Variants in GRIN3A observed in about 807,000 individuals in gnomAD.
GRIN3A encodes glutamate ionotropic receptor NMDA type subunit 3A.
GRIN3A carries 47 observed loss-of-function variants against 92.4 expected under a neutral mutation model. That is an observed-to-expected ratio of 0.51 (90% CI 0.40 to 0.65). The LOEUF (loss-of-function observed/expected upper bound fraction) is 0.65, where lower values mean the gene tolerates loss of function less well. GRIN3A is among the 30% of genes least tolerant of loss of function. The pLI is 0.00. For synonymous variants in GRIN3A, 527 were observed against 540.6 expected (o/e 0.97, Z 0.35); for missense variants, 1,324 against 1,393.1 (o/e 0.95, Z 0.79).
intron 1 of GRIN3A, among the ~76,000 whole-genome samples, chr9:101,719,531 G>A (rs1829986597): frequency 6.6e-6 from 1 of 152,006 alleles, no homozygotes; most frequent in Admixed American, 6.6e-5. Flanking sequence ...GGCAGAGATG[G>A]TATGGCCATG....
Position 101,623,487 on chromosome 9 carries a change from G to C in GRIN3A, c.2499-54C>G, listed in dbSNP as rs1053869712. The C allele has an allele frequency of 5.6e-6, 7 of 1,254,094 alleles. No individual in the cohort carries two copies. The Admixed American group carries it at 1.2e-4, about 21-fold the overall frequency. The allele number at this position is 1,254,094 out of a possible 1,614,324, so 77.7% of individuals were successfully genotyped here. ...AAAATGATTCATTAATGGGAAGGAA[G>C]CATGAAGGCTGACAGCCGGCTTTTG... On this transcript the variant is annotated intron_variant, in intron 4 of 8. Coordinates refer to ENST00000361820, the MANE Select transcript of GRIN3A (RefSeq NM_133445.3).
At chr9:101,673,547 T>C (rs1402267601) in intron 2 of GRIN3A, among the ~76,000 whole-genome samples, 1 of 152,134 alleles carries the variant, frequency 6.6e-6, no homozygotes, top group Non-Finnish European at 1.5e-5. Flanking sequence ...CAAAATAATC[T>C]CATGAAAGCT....
At chr9:101,605,585 G>A (rs892114278) in intron 6 of GRIN3A, among the ~76,000 whole-genome samples, 5 of 152,298 alleles carry the variant, frequency 3.3e-5, no homozygotes, top group African/African-American at 1.2e-4. Flanking sequence ...TGAAGGTAAA[G>A]GCTGGGGGAG....
intron 6 of GRIN3A, among the ~76,000 whole-genome samples, chr9:101,611,632 G>C (rs1828369509): frequency 6.6e-6 from 1 of 152,146 alleles, no homozygotes; most frequent in Non-Finnish European, 1.5e-5. Context: ...CACTTACTGA[G>C]TGCTGCTATA....
chr9:101,711,813 A>G (rs546020952), intron 1 of GRIN3A, among the ~76,000 whole-genome samples: 1 of 152,298 alleles, frequency 6.6e-6, no homozygotes, highest in South Asian at 2.1e-4. Context: ...AGCTAAGATA[A>G]TTAAGGCTCC....
At chr9:101,727,921 G>A (rs533222964) in intron 1 of GRIN3A, among the ~76,000 whole-genome samples, 16 of 150,914 alleles carry the variant, frequency 1.1e-4, no homozygotes, top group African/African-American at 3.9e-4. Context: ...TCACATTGAA[G>A]CATTTCTTTA....
chr9:101,712,693 A>G (rs1829894233), intron 1 of GRIN3A, among the ~76,000 whole-genome samples: 1 of 152,192 alleles, frequency 6.6e-6, no homozygotes, highest in African/African-American at 2.4e-5. Context: ...ACATCTACTA[A>G]TAATCAGCTT....
chr9:101,716,486 C>T (rs992804316), intron 1 of GRIN3A, among the ~76,000 whole-genome samples: 1 of 152,102 alleles, frequency 6.6e-6, no homozygotes, highest in Non-Finnish European at 1.5e-5. Flanking sequence ...GTTTTCTAAA[C>T]TTCATTTATG....
chr9:101,684,021 TTTTC>T (rs1020184347), intron 2 of GRIN3A, among the ~76,000 whole-genome samples: 1 of 152,128 alleles, frequency 6.6e-6, no homozygotes, highest in Non-Finnish European at 1.5e-5. Flanking sequence ...AGAAAGTTAC[TTTTC>T]TTTCTTTCTA....
At chr9:101,641,792 T>TAAAAA (rs10631033) in intron 3 of GRIN3A, among the ~76,000 whole-genome samples, 1 of 141,888 alleles carries the variant, frequency 7.0e-6, no homozygotes, top group Non-Finnish European at 1.6e-5. Flanking sequence ...ACAATAAAAT[T>TAAAAA]AAAAAAAAAA....
At position 101,686,600 on chromosome 9, in the gene GRIN3A, A is replaced by G. The variant is rs776062103; in HGVS notation, c.1300T>C (p.Ser434Pro). 9 of 1,614,156 alleles carry G rather than the reference A, an allele frequency of 5.6e-6. No individual in the cohort carries two copies. Among genetic ancestry groups the G allele is most frequent in the Non-Finnish European group, 7.6e-6 (9 of 1,180,016 alleles). Residue 434 changes from serine to proline, a missense_variant, in exon 2 of 9, where the codon TCA (serine) becomes CCA (proline). Ser to Pro is a moderately conservative substitution (Grantham distance 74, BLOSUM62 -1). Transcript: ENST00000361820. Reference sequence around the variant, plus strand: ...AACCGAGACCTTGCATCCTACCTTGATAAATATTGTCCTGAAGTGAGATTT... The same window carrying G: ...AACCGAGACCTTGCATCCTACCTTGGTAAATATTGTCCTGAAGTGAGATTT... ...TTNLTSGQYL[S>P]RFLANTTFRG...
chr9:101,701,679 G>A (rs2485526), intron 1 of GRIN3A, among the ~76,000 whole-genome samples: 140,697 of 152,308 alleles, frequency 0.92, 65,306 homozygotes, highest in Middle Eastern at 0.97. Context: ...CAGTTGCAAC[G>A]AAAGCAAAAA....
chr9:101,604,290 A>C (rs534636065), intron 6 of GRIN3A, among the ~76,000 whole-genome samples: 1 of 152,330 alleles, frequency 6.6e-6, no homozygotes, highest in South Asian at 2.1e-4. Flanking sequence ...GAAAGAACGA[A>C]TGAATTTGGA....
In GRIN3A at chr9:101,726,192, T is replaced by G. The variant is rs989695874; in HGVS notation, c.699+11089A>C. On this transcript the variant is annotated intron_variant, in intron 1 of 8. Coordinates refer to ENST00000361820, the MANE Select transcript of GRIN3A (RefSeq NM_133445.3). ...CAATGTGGGTTAAACCAATCAGATA[T>G]CTGGATAATTTGAACTAAGAGATAT... Among the ~76,000 whole-genome samples the G allele has an allele frequency of 2.6e-5, 4 of 152,204 alleles. No individual in the cohort carries two copies. In the South Asian group the frequency reaches 8.3e-4, roughly 31 times the overall value.
At chr9:101,703,166 A>G (rs1283587483) in intron 1 of GRIN3A, among the ~76,000 whole-genome samples, 1 of 152,204 alleles carries the variant, frequency 6.6e-6, no homozygotes, top group East Asian at 1.9e-4. Flanking sequence ...AAACACTTCA[A>G]TAGCTTCCTC....
At chr9:101,736,451 A>T (rs545426742) in intron 1 of GRIN3A, among the ~76,000 whole-genome samples, 1 of 133,024 alleles carries the variant, frequency 7.5e-6, no homozygotes, top group South Asian at 2.2e-4. Flanking sequence ...CATTGAAAAT[A>T]TGTTTAGCTT....
chr9:101,721,413 AAACT>A (rs1830011583), intron 1 of GRIN3A, among the ~76,000 whole-genome samples: 2 of 152,276 alleles, frequency 1.3e-5, no homozygotes, highest in African/African-American at 2.4e-5. Context: ...AGCAGCATGA[AAACT>A]AACTAATATA....
At chr9:101,673,389 T>C (rs186697002) in intron 2 of GRIN3A, among the ~76,000 whole-genome samples, 2 of 152,188 alleles carry the variant, frequency 1.3e-5, no homozygotes, top group Admixed American at 1.3e-4. Context: ...GGCAAATCAA[T>C]AGGGACCTGA....
chr9:101,699,087 T>C (rs1259551842), intron 1 of GRIN3A, among the ~76,000 whole-genome samples: 1 of 152,260 alleles, frequency 6.6e-6, no homozygotes, highest in African/African-American at 2.4e-5. Context: ...AAACACATCG[T>C]AGAGCTGTAC....
Sources: allele counts gnomAD v4.1 joint callset (sites outside exome capture counted in the v4.1 genomes callset), GRCh38; gene constraint gnomAD v4.1.1; transcripts MANE v1.5; gene names NCBI Gene and HGNC (gene_info 2026-07-23, HGNC 2026-07-21).